SPTBN2: variants seen among roughly 807,000 people sequenced by gnomAD.
SPTBN2 encodes the protein spectrin beta, non-erythrocytic 2, also known as spectrin beta chain, non-erythrocytic 2.
SPTBN2 carries 107 observed loss-of-function variants against 284.2 expected under a neutral mutation model. The observed-to-expected ratio is 0.38, with a 90% confidence interval of 0.32 to 0.44. The LOEUF (loss-of-function observed/expected upper bound fraction) is 0.44. Ranked by LOEUF, SPTBN2 falls within the 20% of genes least tolerant of loss-of-function variation. SPTBN2 has a pLI of 1.00. For synonymous variants in SPTBN2, 1,289 were observed against 1,354.8 expected (o/e 0.95, Z 1.07); for missense variants, 2,569 against 3,287.1 (o/e 0.78, Z 5.34).
chr11:66,698,994 C>T lies in SPTBN2; in HGVS notation c.3865G>A (p.Glu1289Lys), dbSNP rs1941092590. The T allele has an allele frequency of 1.9e-6, 3 of 1,614,162 alleles. No individual in the cohort carries two copies. Among genetic ancestry groups the T allele is most frequent in the Non-Finnish European group, 2.5e-6 (3 of 1,180,036 alleles). ...CCCGGGGCCCCAGGGAGCCTCACCT[C>T]GTGACAATCTTGCAGGAAATGCTGC... is the stretch of plus-strand genomic sequence containing the variant. ...EQQHFLQDCH[E>K]LKLWIDEKML... The change falls in exon 19 of 38, where the codon GAG becomes AAG. Residue 1289 changes from glutamate to lysine, a missense_variant and splice_region_variant. By Grantham distance (56) the Glu-to-Lys change is moderately conservative. Transcript: ENST00000533211.
At chr11:66,692,908 C>T (rs1357020911) in intron 25 of SPTBN2, 62 bp downstream of exon 25, 10 of 1,597,748 alleles carry the variant, frequency 6.3e-6, no homozygotes, top group Admixed American at 5.0e-5. Context: ...ACATTCCCTG[C>T]ACCTTCCTGT....
In SPTBN2 at chr11:66,687,937, G is replaced by A. The variant is rs1940254299; in HGVS notation, c.6451-19C>T. The A allele has an allele frequency of 6.2e-7, 1 of 1,614,202 alleles. No homozygotes were observed. ...GCAGGGGCTGCAAGGACAAGAATCT[G>A]TAAAAGGATGTGCGGGGGTGGAGGG... On this transcript the variant is annotated intron_variant, in intron 33 of 37. Transcript: ENST00000533211. This position sits in a 1 kb window ranked among gnomAD's most constrained non-coding sequence, Gnocchi z 5.2.
chr11:66,693,885 T>G lies in SPTBN2; in HGVS notation c.4504-24A>C. On this transcript the variant is annotated intron_variant, in intron 22 of 37. Transcript: ENST00000533211. The surrounding 1 kb of genome is among the most constrained non-coding windows in gnomAD (Gnocchi z 5.7). ...AACTGGAAGAGGAAGAGGGGGTCAG[T>G]GGAGGCCCAGAGGGCAAGGCAAGCA... The G allele has an allele frequency of 6.2e-7, 1 of 1,609,692 alleles. No individual in the cohort carries two copies. Among genetic ancestry groups the G allele is most frequent in the Admixed American group, 1.7e-5 (1 of 59,792 alleles).
chr11:66,720,526 A>C (rs926889527), intron 3 of SPTBN2, among the ~76,000 whole-genome samples: 1 of 152,208 alleles, frequency 6.6e-6, no homozygotes, highest in African/African-American at 2.4e-5. Context: ...CAAGGCAGGC[A>C]GAGAGCACAC....
At position 66,707,923 on chromosome 11, in the gene SPTBN2, G is replaced by A. The variant is rs980039029; in HGVS notation, c.1351-105C>T. 15 of 1,474,108 alleles carry A rather than the reference G, an allele frequency of 1.0e-5. No individual in the cohort carries two copies. Among genetic ancestry groups the A allele is most frequent in the African/African-American group, 4.2e-5 (3 of 72,000 alleles). 91.3% of individuals were successfully genotyped at this position (1,474,108 alleles called of 1,614,324 possible). On this transcript the variant is annotated intron_variant, in intron 12 of 37. Coordinates refer to ENST00000533211, the MANE Select transcript of SPTBN2 (RefSeq NM_006946.4). The surrounding 1 kb of genome is among the most constrained non-coding windows in gnomAD (Gnocchi z 4.9). ...GGCCTGCAAGATCCCAGCTCCATGCGGTGGCTCTAAGTTCCCTCTCTATCC... is the reference window on the plus strand; with the variant it reads ...GGCCTGCAAGATCCCAGCTCCATGCAGTGGCTCTAAGTTCCCTCTCTATCC...
intron 20 of SPTBN2, 22 bp from the exon 21 acceptor site, chr11:66,696,562 G>C: frequency 6.2e-7 from 1 of 1,609,054 alleles, no homozygotes; most frequent in Non-Finnish European, 8.5e-7. Context: ...GACAGAAAAT[G>C]TCAAAGTGCC....
chr11:66,707,858 G>T lies in SPTBN2; in HGVS notation c.1351-40C>A. 1 of 1,600,276 alleles carries T rather than the reference G, an allele frequency of 6.2e-7. No homozygotes were observed. ...GGGAGAGGAGGTGTGGGGACCAAGG[G>T]ACAGTGCCTCTGCCTGCTCCTCTGT... On this transcript the variant is annotated intron_variant, in intron 12 of 37. Transcript: ENST00000533211. This position sits in a 1 kb window ranked among gnomAD's most constrained non-coding sequence, Gnocchi z 4.9.
chr11:66,691,411 G>C lies in SPTBN2; in HGVS notation c.5438C>G (p.Ala1813Gly), dbSNP rs1040205460. 1.2e-6 allele frequency: 2 copies of C among 1,611,638 alleles called. No homozygotes were observed. The highest frequency in any genetic ancestry group is 1.7e-5 in the Admixed American group (1 of 59,938). Residue 1813 changes from alanine to glycine, a missense_variant, in exon 27 of 38, where the codon GCC becomes GGC. Around this residue, in one of 6 missense-constraint regions of SPTBN2, gnomAD observed 1,130 missense variants for 1,317.3 expected, o/e 0.86. Transcript: ENST00000533211. The surrounding 1 kb of genome is among the most constrained non-coding windows in gnomAD (Gnocchi z 8.0). ...LQRFLHGARQ[A>G]LARVQHKQQQ... ...CTGCTTGTGCTGCACCCGCGCCAGG[G>C]CTTGGCGTGCCCCGTGCAGGAAGCG...
intron 31 of SPTBN2, 39 bp from the exon 32 acceptor site, chr11:66,688,350 G>T: frequency 6.4e-7 from 1 of 1,553,114 alleles, no homozygotes; most frequent in Non-Finnish European, 8.7e-7. Context: ...AGAAGGTTGC[G>T]TGTAAGAGGG....
rs952412739 is a variant in SPTBN2 at position 66,708,677 on chromosome 11, C to T, written c.1191+225G>A. Among the ~76,000 whole-genome samples, 1 of 152,062 alleles carries T rather than the reference C, an allele frequency of 6.6e-6. No individual in the cohort carries two copies. Among genetic ancestry groups the T allele is most frequent in the Admixed American group, 6.5e-5 (1 of 15,268 alleles). On this transcript the variant is annotated intron_variant, in intron 11 of 37. Coordinates refer to ENST00000533211, the MANE Select transcript of SPTBN2 (RefSeq NM_006946.4). The surrounding 1 kb of genome is among the most constrained non-coding windows in gnomAD (Gnocchi z 4.4). The stretch of plus-strand genomic sequence containing the variant: ...GGGGCATAATTTCCTTATGTGACCT[C>T]GTATGGAGAGTCAGACAAAGGGACA...
At position 66,688,306 on chromosome 11, in the gene SPTBN2, C is replaced by T. The variant is rs749821601; in HGVS notation, c.6237G>A (p.Glu2079=). ...FCALEKLTAL[E]EREKERKRKR... ...TTCTCTTTCGCTCCTTCTCCCGCTCCTCTAGCTGTCAAAAAATGCTGCATT... is the reference window on the plus strand; with the variant it reads ...TTCTCTTTCGCTCCTTCTCCCGCTCTTCTAGCTGTCAAAAAATGCTGCATT... Residue 2079 remains glutamate (E), a synonymous_variant, in exon 32 of 38, where the codon GAG becomes GAA. Transcript: ENST00000533211. 1.1e-5 allele frequency: 17 copies of T among 1,588,346 alleles called. No individual in the cohort carries two copies. The highest frequency in any genetic ancestry group is 1.4e-5 in the Non-Finnish European group (16 of 1,167,162).
chr11:66,737,919 T>G (rs1206157308), intron 1 of SPTBN2, among the ~76,000 whole-genome samples: 1 of 151,996 alleles, frequency 6.6e-6, no homozygotes, highest in Non-Finnish European at 1.5e-5. Context: ...ACCTTTAAGA[T>G]TTCTTCTAAT....
chr11:66,701,077 G>C lies in SPTBN2; in HGVS notation c.3022C>G (p.Leu1008Val), dbSNP rs954882510. The C allele has an allele frequency of 4.3e-6, 7 of 1,611,692 alleles. No individual in the cohort carries two copies. The highest frequency in any genetic ancestry group is 1.3e-5 in the African/African-American group (1 of 74,938). The change falls in exon 17 of 38, where the codon CTG (leucine) becomes GTG (valine). Residue 1008 changes from leucine (L) to valine (V), a missense_variant. This residue lies in a region of SPTBN2 where 1,012 missense variants were observed against 1,248.9 expected (regional missense o/e 0.81). Transcript: ENST00000533211. The stretch of plus-strand genomic sequence containing the variant: ...CCCACCCGGGCGGCGATGGCCTCCA[G>C]GTCCCGCTCCGTGCCGGCCAGCTTG... ...QRKLAGTERD[L>V]EAIAARVGEL...
chr11:66,692,636 C>T lies in SPTBN2; in HGVS notation c.5090G>A (p.Cys1697Tyr), dbSNP rs1161277822. The T allele has an allele frequency of 6.2e-7, 1 of 1,605,814 alleles. No homozygotes were observed. ...RERLQEHLRL[C>Y]QLRRELDDLE... is the part of the protein sequence containing the mutation. Reference sequence around the variant, plus strand: ...GTCATCCAGCTCGCGGCGGAGCTGGCACAGCCGGAGGTGCTCCTGCAGGCG... The same window carrying T: ...GTCATCCAGCTCGCGGCGGAGCTGGTACAGCCGGAGGTGCTCCTGCAGGCG... Residue 1697 changes from cysteine (C) to tyrosine (Y), a missense_variant, in exon 26 of 38, where the codon TGC (cysteine) becomes TAC (tyrosine). This residue lies in a region of SPTBN2 where 1,130 missense variants were observed against 1,317.3 expected (regional missense o/e 0.86). Coordinates refer to ENST00000533211, the MANE Select transcript of SPTBN2 (RefSeq NM_006946.4).
At chr11:66,742,868 C>G (rs1942905968) in intron 1 of SPTBN2, among the ~76,000 whole-genome samples, 1 of 152,188 alleles carries the variant, frequency 6.6e-6, no homozygotes, top group South Asian at 2.1e-4. Context: ...CCTGGGCCTC[C>G]CAAAGTGTTG....
rs907379537 is a variant in SPTBN2, at chr11:66,691,856, C to A, written c.5191-198G>T. Among the ~76,000 whole-genome samples, 4 of 152,048 alleles carry A rather than the reference C, an allele frequency of 2.6e-5. No individual in the cohort carries two copies. The highest frequency in any genetic ancestry group is 5.9e-5 in the Non-Finnish European group (4 of 68,028). ...CCCTGTATTTGACAGACTCCCTCCA[C>A]CCCCAGCAAAGGCGTTTCAAGGTGC... On this transcript the variant is annotated intron_variant, in intron 26 of 37. Coordinates refer to ENST00000533211, the MANE Select transcript of SPTBN2 (RefSeq NM_006946.4). This position sits in a 1 kb window ranked among gnomAD's most constrained non-coding sequence, Gnocchi z 8.0.
At chr11:66,716,861 G>A (rs1472604944) in intron 3 of SPTBN2, among the ~76,000 whole-genome samples, 1 of 152,168 alleles carries the variant, frequency 6.6e-6, no homozygotes. Context: ...AGACAAAGGA[G>A]AAGGTGTGGG....
chr11:66,689,855 T>A lies in SPTBN2; in HGVS notation c.5899A>T (p.Ile1967Phe). The A allele has an allele frequency of 6.2e-7, 1 of 1,614,142 alleles. No individual in the cohort carries two copies. Among genetic ancestry groups the A allele is most frequent in the East Asian group, 2.2e-5 (1 of 44,880 alleles). Residue 1967 changes from isoleucine to phenylalanine, a missense_variant, in exon 29 of 38, where the codon ATC becomes TTC. Ile to Phe is a conservative substitution (Grantham distance 21). Around this residue, in one of 6 missense-constraint regions of SPTBN2, gnomAD observed 1,130 missense variants for 1,317.3 expected, o/e 0.86. Transcript: ENST00000533211. Reference protein sequence around the residue: ...EARADRFSSCIDMGKELLARS... With the variant: ...EARADRFSSCFDMGKELLARS... ...GCCAGCAGCTCCTTCCCCATGTCGA[T>A]GCAGGAGGAGAAGCGGTCTGCCCGG... is the stretch of plus-strand genomic sequence containing the variant.
At chr11:66,735,194 G>A (rs909202505) in intron 1 of SPTBN2, among the ~76,000 whole-genome samples, 11 of 152,072 alleles carry the variant, frequency 7.2e-5, no homozygotes, top group Admixed American at 5.9e-4. Context: ...TTAGCCAGGC[G>A]TGGTGGCGCA....
Sources: allele counts gnomAD v4.1 joint callset (sites outside exome capture counted in the v4.1 genomes callset), GRCh38; gene constraint gnomAD v4.1.1; regional missense constraint gnomAD v4.1.1; non-coding constraint Gnocchi (gnomAD v3.1); transcripts MANE v1.5; gene names NCBI Gene and HGNC (gene_info 2026-07-23, HGNC 2026-07-21).